Variants in WWTR1 observed in about 807,000 individuals in gnomAD.
WWTR1 encodes the protein WW domain containing transcription regulator 1, also known as WW domain-containing transcription regulator protein 1.
Under a neutral mutation model 40.1 loss-of-function variants are expected in WWTR1, and 13 were observed. The ratio of observed to expected loss-of-function variants is 0.32; its 90% CI spans 0.21 to 0.52. The LOEUF (loss-of-function observed/expected upper bound fraction) is 0.52, where lower values mean the gene tolerates loss of function less well. WWTR1 is among the 20% of genes least tolerant of loss of function. The probability of loss-of-function intolerance (pLI) is 0.97; values close to 1 mark genes in which losing one functional copy is unlikely to be tolerated. For synonymous variants in WWTR1, 230 were observed against 210.1 expected, an observed-to-expected ratio of 1.09 and a Z score of -0.82; for missense variants, 436 against 523.1, an observed-to-expected ratio of 0.83 and a Z score of 1.63.
chr3:149,562,735 GTTTTGCTGACTTCA>G (rs1273286594), intron 3 of WWTR1, among the ~76,000 whole-genome samples: 1 of 151,466 alleles, frequency 6.6e-6, no homozygotes, highest in Non-Finnish European at 1.5e-5. Flanking sequence ...AAATGATATT[GTTTTGCTGACTTCA>G]TCCTGGAGAA....
chr3:149,610,645 G>C (rs1739692388), intron 2 of WWTR1, among the ~76,000 whole-genome samples: 1 of 152,174 alleles, frequency 6.6e-6, no homozygotes. Flanking sequence ...CTTTCTAGCA[G>C]GGCAGGCCAG....
At chr3:149,571,159 C>T (rs1359054950) in intron 3 of WWTR1, among the ~76,000 whole-genome samples, 1 of 149,252 alleles carries the variant, frequency 6.7e-6, no homozygotes, top group African/African-American at 2.5e-5. Context: ...AGGAAACAAA[C>T]TTGGGGACTG....
intron 2 of WWTR1, among the ~76,000 whole-genome samples, chr3:149,591,949 GAC>G (rs1290992846): frequency 6.6e-6 from 1 of 152,174 alleles, no homozygotes; most frequent in Non-Finnish European, 1.5e-5. Flanking sequence ...CAAAGGGAGA[GAC>G]ACTTCTGATT....
intron 3 of WWTR1, among the ~76,000 whole-genome samples, chr3:149,543,906 T>C (rs1576548794): frequency 6.7e-6 from 1 of 149,998 alleles, no homozygotes; most frequent in Middle Eastern, 3.5e-3. Context: ...ATAATATATG[T>C]ATATTTTTTA....
At chr3:149,698,257 T>G (rs1463641359) in intron 1 of WWTR1, among the ~76,000 whole-genome samples, 1 of 152,170 alleles carries the variant, frequency 6.6e-6, no homozygotes, top group Non-Finnish European at 1.5e-5. Flanking sequence ...ATGAGGGCAG[T>G]TCCCCCCATA....
chr3:149,583,218 G>A (rs773405412), intron 2 of WWTR1, among the ~76,000 whole-genome samples: 3 of 152,090 alleles, frequency 2.0e-5, no homozygotes, highest in Non-Finnish European at 4.4e-5. Flanking sequence ...CACCCGCTTC[G>A]GCCTCCCAAA....
intron 1 of WWTR1, among the ~76,000 whole-genome samples, chr3:149,696,711 C>G (rs1486975390): frequency 2.0e-5 from 3 of 152,168 alleles, no homozygotes; most frequent in African/African-American, 7.2e-5. Context: ...GCTATGGGTT[C>G]TCCCCTGTGG....
rs139307682 is a variant in WWTR1 at position 149,619,637 on chromosome 3, C to T, written c.431+37239G>A. On this transcript the variant is annotated intron_variant, in intron 2 of 6. Transcript: ENST00000360632. The stretch of plus-strand genomic sequence containing the variant: ...GATCCTGTCACCAAAAACAAACAAA[C>T]AAACAGGTATATAGCACTGGTTGAT... Among the ~76,000 whole-genome samples the T allele has an allele frequency of 2.0e-3, 305 of 152,172 alleles. 1 individual carries two copies. Among genetic ancestry groups the T allele is most frequent in the African/African-American group, 7.1e-3 (296 of 41,514 alleles).
chr3:149,566,645 C>T (rs4681526), intron 3 of WWTR1, among the ~76,000 whole-genome samples: 88,466 of 151,928 alleles, frequency 0.58, 26,492 homozygotes, highest in East Asian at 0.81. Flanking sequence ...CATGTCTTTC[C>T]AAGTGCTTTA....
intron 3 of WWTR1, among the ~76,000 whole-genome samples, chr3:149,557,623 A>C (rs1209759216): frequency 5.3e-5 from 8 of 152,160 alleles, no homozygotes; most frequent in African/African-American, 1.9e-4. Flanking sequence ...ACAAGGCCCC[A>C]TGGTATGCAT....
At position 149,664,619 on chromosome 3, in the gene WWTR1, G is replaced by A. The variant is rs575184667; in HGVS notation, c.-4+5169C>T. Among the ~76,000 whole-genome samples, 7 of 146,792 alleles carry A rather than the reference G, an allele frequency of 4.8e-5. No individual in the cohort carries two copies. In the South Asian group the frequency reaches 6.5e-4, roughly 14 times the overall value. ...TTTTTTTTTTTTGAGACGGAGTTTC[G>A]CTCCTGTTGCCCAGGCTGTAGTGCA... On this transcript the variant is annotated intron_variant, in intron 2 of 7. Coordinates refer to the WWTR1 transcript ENST00000465804.
Position 149,663,433 on chromosome 3 carries a change from C to T in WWTR1, c.-3-6124G>A, listed in dbSNP as rs528295125. ...TTATGAGGTCAGGCGCAGTGGCTCA[C>T]GTCTGTAATCCTAGCACTTTGGGAG... On this transcript the variant is annotated intron_variant, in intron 2 of 7. Coordinates refer to the WWTR1 transcript ENST00000465804. Among the ~76,000 whole-genome samples, 7 of 152,102 alleles carry T rather than the reference C, an allele frequency of 4.6e-5. No homozygotes were observed. The East Asian group carries it at 9.7e-4, about 21-fold the overall frequency.
chr3:149,660,658 C>A (rs113050732), upstream of WWTR1, among the ~76,000 whole-genome samples: 951 of 152,292 alleles, frequency 6.2e-3, 9 homozygotes, highest in African/African-American at 0.022. Flanking sequence ...ATTTCTGGAA[C>A]AAAACAGCTG....
At chr3:149,633,092 T>C (rs1311270347) in intron 2 of WWTR1, among the ~76,000 whole-genome samples, 3 of 152,136 alleles carry the variant, frequency 2.0e-5, no homozygotes, top group Non-Finnish European at 4.4e-5. Flanking sequence ...AATGAAGCTG[T>C]TAAAAAATAA....
chr3:149,605,413 G>A (rs1363681659), intron 2 of WWTR1, among the ~76,000 whole-genome samples: 2 of 152,200 alleles, frequency 1.3e-5, no homozygotes, highest in Non-Finnish European at 1.5e-5. Context: ...TGGAGGAAAT[G>A]TATGAGGCGG....
At chr3:149,629,638 T>C (rs73155025) in intron 2 of WWTR1, among the ~76,000 whole-genome samples, 2,494 of 152,282 alleles carry the variant, frequency 0.016, 31 homozygotes, top group South Asian at 0.033. Context: ...GTCACAACAA[T>C]CTTTGATAAA....
chr3:149,692,780 C>T (rs1195607598), intron 1 of WWTR1, among the ~76,000 whole-genome samples: 2 of 152,072 alleles, frequency 1.3e-5, no homozygotes, highest in East Asian at 1.9e-4. Flanking sequence ...ATTACAGGTG[C>T]CGGCCACTGC....
intron 6 of WWTR1, among the ~76,000 whole-genome samples, chr3:149,525,279 A>G (rs945359516): frequency 6.6e-6 from 1 of 152,198 alleles, no homozygotes; most frequent in African/African-American, 2.4e-5. Flanking sequence ...CATGAAAAAA[A>G]TTGGATACTA....
At chr3:149,693,454 A>T (rs1237645794) in intron 1 of WWTR1, among the ~76,000 whole-genome samples, 2 of 136,354 alleles carry the variant, frequency 1.5e-5, no homozygotes, top group Non-Finnish European at 3.2e-5. Flanking sequence ...TACCAATGAC[A>T]TTCTTCACAT....
Sources: allele counts gnomAD v4.1 joint callset (sites outside exome capture counted in the v4.1 genomes callset), GRCh38; gene constraint gnomAD v4.1.1; transcripts MANE v1.5; gene names NCBI Gene and HGNC (gene_info 2026-07-23, HGNC 2026-07-21).